Variants in TPTE2 observed in about 807,000 individuals in gnomAD.
The protein encoded by TPTE2 is transmembrane phosphoinositide 3-phosphatase and tensin homolog 2.
A neutral mutation model predicts 78.6 loss-of-function variants in TPTE2; 53 were observed. The ratio of observed to expected loss-of-function variants is 0.67; its 90% CI spans 0.54 to 0.85. The LOEUF is 0.85. Among genes scored for constraint, TPTE2 ranks in the 40% least tolerant of loss-of-function variants. The pLI is 0.00. For synonymous variants in TPTE2, 175 were observed against 206.2 expected, an observed-to-expected ratio of 0.85 and a Z score of 1.30; for missense variants, 461 against 623.0, an observed-to-expected ratio of 0.74 and a Z score of 2.77.
chr13:19,497,147 C>A (rs1247185436), intron 1 of TPTE2, among the ~76,000 whole-genome samples: 2 of 151,912 alleles, frequency 1.3e-5, no homozygotes, highest in Admixed American at 6.6e-5. Flanking sequence ...TTGGAGGGTC[C>A]TACGCCCACG....
intron 1 of TPTE2, among the ~76,000 whole-genome samples, chr13:19,518,869 G>A (rs1869967791): frequency 6.6e-6 from 1 of 152,136 alleles, no homozygotes; most frequent in African/African-American, 2.4e-5. Flanking sequence ...CTAGAGAGAT[G>A]GGTGACTATA....
At chr13:19,482,167 C>T (rs1445250572) in intron 4 of TPTE2, among the ~76,000 whole-genome samples, 6 of 151,912 alleles carry the variant, frequency 3.9e-5, no homozygotes, top group Non-Finnish European at 8.8e-5. Flanking sequence ...AAATGAGAAA[C>T]GTTCACTATT....
At chr13:19,540,831 T>C (rs1375942986), upstream of TPTE2, among the ~76,000 whole-genome samples, 3 of 152,248 alleles carry the variant, frequency 2.0e-5, no homozygotes, top group African/African-American at 4.8e-5. Context: ...GATTTAACCA[T>C]AGATTCTTTT....
At chr13:19,531,541 A>G (rs1419835824) in intron 1 of TPTE2, among the ~76,000 whole-genome samples, 2 of 152,108 alleles carry the variant, frequency 1.3e-5, no homozygotes, top group Non-Finnish European at 2.9e-5. Flanking sequence ...ATTTTTCTAA[A>G]ATATGATCAT....
At chr13:19,476,950 T>G (rs894337573) in intron 4 of TPTE2, among the ~76,000 whole-genome samples, 1 of 152,088 alleles carries the variant, frequency 6.6e-6, no homozygotes, top group African/African-American at 2.4e-5. Context: ...AGCAAAGACA[T>G]GGAATCAACC....
At chr13:19,549,454 T>TGG in the TPTE2 span, among the ~76,000 whole-genome samples, 1 of 152,180 alleles carries the variant, frequency 6.6e-6, no homozygotes, top group Non-Finnish European at 1.5e-5. Flanking sequence ...CACAATGAGA[T>TGG]ACCACTGCAC....
chr13:19,539,021 G>A (rs1441459662), upstream of TPTE2, among the ~76,000 whole-genome samples: 1 of 152,182 alleles, frequency 6.6e-6, no homozygotes, highest in Non-Finnish European at 1.5e-5. Flanking sequence ...TGAAGTGGCT[G>A]AGCATGCTCA....
intron 1 of TPTE2, among the ~76,000 whole-genome samples, chr13:19,528,209 C>T (rs1321513207): frequency 8.5e-6 from 1 of 117,130 alleles, no homozygotes; most frequent in Non-Finnish European, 1.9e-5. Context: ...TGGTGAAACC[C>T]CTTCTCTACT....
intron 1 of TPTE2, among the ~76,000 whole-genome samples, chr13:19,502,149 C>A (rs1453118242): frequency 7.3e-5 from 2 of 27,328 alleles, no homozygotes; most frequent in African/African-American, 3.0e-4. Context: ...CAGGAAACAA[C>A]AGGTGCTGGA....
At chr13:19,538,448 C>T (rs1871333233), upstream of TPTE2, among the ~76,000 whole-genome samples, 1 of 152,106 alleles carries the variant, frequency 6.6e-6, no homozygotes, top group Admixed American at 6.6e-5. Context: ...TCTCAGTCTC[C>T]TGACCTCGTG....
chr13:19,503,885 C>A (rs910392287), upstream of TPTE2, among the ~76,000 whole-genome samples: 1 of 152,130 alleles, frequency 6.6e-6, no homozygotes, highest in African/African-American at 2.4e-5. Flanking sequence ...GGACTACAGG[C>A]GCCCGCCACC....
At chr13:19,492,165 C>T (rs1438373622) in intron 3 of TPTE2, among the ~76,000 whole-genome samples, 1 of 152,132 alleles carries the variant, frequency 6.6e-6, no homozygotes, top group Non-Finnish European at 1.5e-5. Flanking sequence ...GAAAACCCTC[C>T]ACCATCTCCT....
the TPTE2 span, among the ~76,000 whole-genome samples, chr13:19,561,478 G>A: frequency 6.6e-6 from 1 of 151,940 alleles, no homozygotes; most frequent in Non-Finnish European, 1.5e-5. Context: ...CGCAAGCCCC[G>A]ACGCCCGCGG....
At chr13:19,538,856 T>C (rs1465652503), upstream of TPTE2, among the ~76,000 whole-genome samples, 2 of 152,220 alleles carry the variant, frequency 1.3e-5, no homozygotes, top group African/African-American at 4.8e-5. Context: ...ATTTAAATCA[T>C]AAATCCGACA....
At chr13:19,465,376 A>G in intron 8 of TPTE2, 58 bp from the exon 12 acceptor site, 1 of 1,612,154 alleles carries the variant, frequency 6.2e-7, no homozygotes, top group Non-Finnish European at 8.5e-7. Context: ...AAAATAAAAA[A>G]CATTATACAG....
rs548629134 is a variant in TPTE2, at chr13:19,491,653, G to A, written c.119+1197C>T. Among the ~76,000 whole-genome samples, 119 of 151,922 alleles carry A rather than the reference G, an allele frequency of 7.8e-4. 1 individual carries two copies. In the South Asian group the frequency reaches 0.023, roughly 30 times the overall value. On this transcript the variant is annotated intron_variant, in intron 3 of 19. Transcript: ENST00000400230. Reference sequence around the variant, plus strand: ...AGCCTGGCCAATATAGTGAAACCCCGCCCCTACCAAAAATACAAAAAATTA... The same window carrying A: ...AGCCTGGCCAATATAGTGAAACCCCACCCCTACCAAAAATACAAAAAATTA...
intron 1 of TPTE2, among the ~76,000 whole-genome samples, chr13:19,512,236 C>G (rs1356980077): frequency 6.6e-6 from 1 of 152,158 alleles, no homozygotes; most frequent in Non-Finnish European, 1.5e-5. Flanking sequence ...TAAGAGCTTG[C>G]ATTTAGGTTG....
chr13:19,466,492 C>T (rs768479340), intron 7 of TPTE2, among the ~76,000 whole-genome samples: 16 of 152,324 alleles, frequency 1.1e-4, no homozygotes, highest in Non-Finnish European at 1.8e-4. Context: ...TCCCAGTATA[C>T]ATTTGCTCTT....
At chr13:19,497,528 C>T (rs548893755) in intron 1 of TPTE2, among the ~76,000 whole-genome samples, 1,599 of 76,224 alleles carry the variant, frequency 0.021, 100 homozygotes, top group African/African-American at 0.04. Flanking sequence ...AGGCACCCCC[C>T]AGCAGGGGCA....
Sources: allele counts gnomAD v4.1 joint callset (sites outside exome capture counted in the v4.1 genomes callset), GRCh38; gene constraint gnomAD v4.1.1; transcripts MANE v1.5; gene names NCBI Gene and HGNC (gene_info 2026-07-23, HGNC 2026-07-21).